The following GPR158 variants were observed in gnomAD, a reference collection of about 807,000 sequenced individuals.
GPR158 encodes G protein-coupled receptor 158, also known as metabotropic glycine receptor.
A neutral mutation model predicts 78.2 loss-of-function variants in GPR158; 30 were observed. The observed-to-expected ratio is 0.38, with a 90% CI of 0.29 to 0.52. The LOEUF is 0.52. Ranked by LOEUF, GPR158 falls within the 20% of genes least tolerant of loss-of-function variation. The pLI is 0.83. For missense variants in GPR158, 1,463 were observed against 1,523.5 expected (o/e 0.96, Z 0.66); for synonymous variants, 581 against 591.1 (o/e 0.98, Z 0.25).
At chr10:25,356,819 G>A (rs374866527) in intron 2 of GPR158, among the ~76,000 whole-genome samples, 1 of 152,020 alleles carries the variant, frequency 6.6e-6, no homozygotes, top group African/African-American at 2.4e-5. Flanking sequence ...CAGGAATGGG[G>A]TGCTACTATT....
intron 4 of GPR158, among the ~76,000 whole-genome samples, chr10:25,423,475 A>G (rs1326172643): frequency 6.6e-6 from 1 of 151,232 alleles, no homozygotes; most frequent in Non-Finnish European, 1.5e-5. Flanking sequence ...GCCATGTTGG[A>G]TTGCTGCACC....
chr10:25,405,359 T>C (rs1217335108), intron 3 of GPR158, among the ~76,000 whole-genome samples: 1 of 152,012 alleles, frequency 6.6e-6, no homozygotes, highest in African/African-American at 2.4e-5. Context: ...TTTTTTTAAC[T>C]GTAGGATATA....
intron 2 of GPR158, among the ~76,000 whole-genome samples, chr10:25,334,919 G>T (rs928235499): frequency 1.3e-5 from 2 of 151,960 alleles, no homozygotes; most frequent in African/African-American, 4.8e-5. Flanking sequence ...CTAATATGCA[G>T]GTGAGGGAAT....
chr10:25,580,523 T>C (rs796215486), intron 7 of GPR158, among the ~76,000 whole-genome samples: 2 of 152,156 alleles, frequency 1.3e-5, no homozygotes, highest in African/African-American at 4.8e-5. Context: ...AATACTTAAT[T>C]ACCCTAGAAG....
intron 8 of GPR158, among the ~76,000 whole-genome samples, chr10:25,593,352 T>C (rs1837365105): frequency 6.6e-6 from 1 of 152,074 alleles, no homozygotes; most frequent in South Asian, 2.1e-4. Context: ...ATTTTAGCCA[T>C]TAATATATGT....
intron 5 of GPR158, among the ~76,000 whole-genome samples, chr10:25,528,792 A>AT (rs761219913): frequency 4.7e-4 from 71 of 152,320 alleles, no homozygotes; most frequent in Admixed American, 1.1e-3. Flanking sequence ...TAGAAAATAA[A>AT]TGATGCAAAC....
rs1471663288 is a variant in GPR158 at position 25,572,638 on chromosome 10, T to C, written c.1515-11T>C. 6.5e-7 allele frequency: 1 copy of C among 1,546,886 alleles called. No homozygotes were observed. The highest frequency in any genetic ancestry group is 8.9e-7 in the Non-Finnish European group (1 of 1,118,828). On this transcript the variant is annotated splice_polypyrimidine_tract_variant and intron_variant, in intron 6 of 10. Coordinates refer to ENST00000376351, the MANE Select transcript of GPR158 (RefSeq NM_020752.3). ...AGGTTTGCTTTCACATTTGAACTTT[T>C]GCTTTTCTAGGGTTTTGAAGGTGTT...
chr10:25,362,980 C>T (rs942041970), intron 2 of GPR158, among the ~76,000 whole-genome samples: 4 of 151,810 alleles, frequency 2.6e-5, no homozygotes, highest in African/African-American at 9.7e-5. Flanking sequence ...TAAGGTGTCT[C>T]TTGTTCACAA....
intron 3 of GPR158, among the ~76,000 whole-genome samples, chr10:25,397,220 C>G (rs1170030458): frequency 6.6e-6 from 1 of 152,148 alleles, no homozygotes; most frequent in Admixed American, 6.5e-5. Flanking sequence ...GAAACTTGGT[C>G]ATCTGGTTAT....
chr10:25,480,892 C>T (rs745591587), intron 5 of GPR158, among the ~76,000 whole-genome samples: 2 of 152,058 alleles, frequency 1.3e-5, no homozygotes, highest in Non-Finnish European at 2.9e-5. Flanking sequence ...AGCCTGTGAC[C>T]GGGTATCCCT....
intron 7 of GPR158, among the ~76,000 whole-genome samples, chr10:25,575,458 A>AC (rs1187002349): frequency 6.6e-6 from 1 of 152,162 alleles, no homozygotes; most frequent in African/African-American, 2.4e-5. Context: ...CAGCGGCATC[A>AC]CCTGGGGACT....
intron 9 of GPR158, among the ~76,000 whole-genome samples, chr10:25,596,348 A>G (rs767670301): frequency 6.6e-6 from 1 of 151,998 alleles, no homozygotes; most frequent in South Asian, 2.1e-4. Context: ...GATTCCGTTT[A>G]CCAGGGAGGC....
At chr10:25,384,868 T>C (rs769351231) in intron 2 of GPR158, among the ~76,000 whole-genome samples, 2 of 152,176 alleles carry the variant, frequency 1.3e-5, no homozygotes, top group Non-Finnish European at 2.9e-5. Context: ...AGATGAGATA[T>C]ACATCATGCC....
At chr10:25,214,920 C>T (rs776561883) in intron 1 of GPR158, among the ~76,000 whole-genome samples, 3 of 152,118 alleles carry the variant, frequency 2.0e-5, no homozygotes, top group Non-Finnish European at 4.4e-5. Context: ...TTAAATCACC[C>T]GGTCTGAGAT....
intron 6 of GPR158, among the ~76,000 whole-genome samples, chr10:25,563,983 AATATT>A (rs1330909929): frequency 1.3e-5 from 2 of 151,430 alleles, no homozygotes; most frequent in Non-Finnish European, 2.9e-5. Context: ...GAACATTTTG[AATATT>A]ATATTATGGT....
chr10:25,520,940 A>G (rs1836256157), intron 5 of GPR158, among the ~76,000 whole-genome samples: 2 of 152,180 alleles, frequency 1.3e-5, no homozygotes, highest in Non-Finnish European at 1.5e-5. Context: ...AAGCCTGGGC[A>G]ATGGCGGGCG....
At chr10:25,474,892 T>C (rs1377345011) in intron 5 of GPR158, among the ~76,000 whole-genome samples, 1 of 152,094 alleles carries the variant, frequency 6.6e-6, no homozygotes, top group Non-Finnish European at 1.5e-5. Flanking sequence ...TTATTTAGCA[T>C]CTGCAGTTAG....
At chr10:25,413,935 G>T (rs530629828) in intron 4 of GPR158, among the ~76,000 whole-genome samples, 1 of 152,092 alleles carries the variant, frequency 6.6e-6, no homozygotes, top group African/African-American at 2.4e-5. Context: ...AAAAATAGTA[G>T]CCAAGTAGAG....
chr10:25,587,002 G>A (rs966051017), intron 7 of GPR158, among the ~76,000 whole-genome samples: 2 of 152,150 alleles, frequency 1.3e-5, no homozygotes, highest in Non-Finnish European at 2.9e-5. Flanking sequence ...TCTCAATTCC[G>A]TCTTGCTGAC....
Sources: gnomAD v4.1 joint callset for allele counts (sites outside exome capture counted in the v4.1 genomes callset) on GRCh38, gnomAD v4.1.1 for gene constraint, MANE v1.5 for transcripts, NCBI Gene and HGNC (gene_info 2026-07-23, HGNC 2026-07-21) for gene names.